ATP10B: variants seen among roughly 807,000 people sequenced by gnomAD.
ATP10B encodes phospholipid-transporting ATPase VB.
A neutral mutation model predicts 141.2 loss-of-function variants in ATP10B; 122 were observed. That is an observed-to-expected ratio of 0.86 (90% CI 0.75 to 1.00). ATP10B has a LOEUF of 1.00. ATP10B is among the 50% of genes least tolerant of loss of function. The probability of loss-of-function intolerance (pLI) is 0.00; values close to 1 mark genes in which losing one functional copy is unlikely to be tolerated. For missense variants in ATP10B, 1,876 were observed against 1,825.3 expected (o/e 1.03, Z -0.51); for synonymous variants, 685 against 692.0 (o/e 0.99, Z 0.16).
At chr5:160,866,735 T>C in the ATP10B span, among the ~76,000 whole-genome samples, 1 of 151,996 alleles carries the variant, frequency 6.6e-6, no homozygotes, top group Non-Finnish European at 1.5e-5. Flanking sequence ...TGGGTACTTG[T>C]GGGGAAGGAT....
At chr5:160,691,287 A>C (rs1029862223) in intron 3 of ATP10B, among the ~76,000 whole-genome samples, 2 of 152,154 alleles carry the variant, frequency 1.3e-5, no homozygotes, top group Non-Finnish European at 2.9e-5. Context: ...GAAAACTACC[A>C]TGGCACAGGT....
chr5:160,609,357 G>C (rs1408992105), intron 18 of ATP10B, among the ~76,000 whole-genome samples: 1 of 149,340 alleles, frequency 6.7e-6, no homozygotes, highest in Non-Finnish European at 1.5e-5. Flanking sequence ...ATTTCTGTGT[G>C]GGGGAATATG....
rs187577104 is a variant in ATP10B, at chr5:160,832,806, C to A, written c.-576+19135G>T. Among the ~76,000 whole-genome samples, 290 of 152,212 alleles carry A rather than the reference C, an allele frequency of 1.9e-3. 1 individual carries two copies. Among genetic ancestry groups the A allele is most frequent in the African/African-American group, 6.6e-3 (276 of 41,534 alleles). On this transcript the variant is annotated intron_variant, in intron 1 of 25. Transcript: ENST00000327245. ...CACAGCTGTATCATCCCGGAGGGCA[C>A]GGCACAAGAAGAACAAAACCTGCCA...
rs1477309099 is a variant in ATP10B at position 160,632,292 on chromosome 5, G to A, written c.1457C>T (p.Ser486Leu). ...EWTQYQCLSF[S>L]ARWAQDPATM... ...TGCTGGATCCTGGGCCCATCTAGCC[G>A]AGAAGGACAGGCATTGGTATTGGGT... The change falls in exon 13 of 26, where the codon TCG becomes TTG. Residue 486 changes from serine (S) to leucine (L), a missense_variant. By Grantham distance (145) the Ser-to-Leu change is moderately radical. Transcript: ENST00000327245. The A allele has an allele frequency of 4.3e-6, 7 of 1,614,064 alleles. No homozygotes were observed. Among genetic ancestry groups the A allele is most frequent in the Admixed American group, 3.3e-5 (2 of 60,004 alleles).
At chr5:160,582,360 A>G (rs574121006) in intron 24 of ATP10B, among the ~76,000 whole-genome samples, 1 of 152,272 alleles carries the variant, frequency 6.6e-6, no homozygotes, top group South Asian at 2.1e-4. Flanking sequence ...AAAATCTCTC[A>G]TCATTTGCTT....
chr5:160,820,764 C>T (rs753313646), intron 1 of ATP10B, among the ~76,000 whole-genome samples: 77 of 152,116 alleles, frequency 5.1e-4, no homozygotes, highest in Non-Finnish European at 9.7e-4. Flanking sequence ...TGGGATACAT[C>T]AGATGAACAG....
chr5:160,723,753 T>G (rs1158314588), intron 2 of ATP10B, among the ~76,000 whole-genome samples: 5 of 152,208 alleles, frequency 3.3e-5, no homozygotes, highest in Admixed American at 3.3e-4. Context: ...AATACTACCC[T>G]GATCCAGGTC....
the ATP10B span, among the ~76,000 whole-genome samples, chr5:160,928,374 C>T: frequency 6.6e-6 from 1 of 152,126 alleles, no homozygotes; most frequent in African/African-American, 2.4e-5. Flanking sequence ...AGCATGGTCA[C>T]TGGGGATTGG....
At chr5:160,697,225 T>C (rs546515827) in intron 3 of ATP10B, among the ~76,000 whole-genome samples, 1 of 152,212 alleles carries the variant, frequency 6.6e-6, no homozygotes, top group Admixed American at 6.5e-5. Flanking sequence ...AAAACAGAAA[T>C]TGCCATTTGA....
intron 1 of ATP10B, among the ~76,000 whole-genome samples, chr5:160,809,520 A>G (rs551366428): frequency 2.0e-5 from 3 of 152,304 alleles, no homozygotes; most frequent in East Asian, 3.9e-4. Context: ...CATCTCAAAC[A>G]TTTATCATTT....
chr5:160,796,537 A>T (rs998815918), intron 1 of ATP10B, among the ~76,000 whole-genome samples: 9 of 151,344 alleles, frequency 5.9e-5, no homozygotes, highest in Admixed American at 2.0e-4. Context: ...TTCAGGGTAC[A>T]AGGCCCATCA....
At chr5:160,707,227 A>C (rs1403373179) in intron 3 of ATP10B, among the ~76,000 whole-genome samples, 2 of 152,220 alleles carry the variant, frequency 1.3e-5, no homozygotes, top group East Asian at 3.8e-4. Flanking sequence ...CTGGGATTAC[A>C]GGCATGAGCC....
At chr5:160,927,756 G>A in the ATP10B span, among the ~76,000 whole-genome samples, 2 of 152,194 alleles carry the variant, frequency 1.3e-5, no homozygotes, top group East Asian at 1.9e-4. Flanking sequence ...ACACTCATGG[G>A]ACTTTTGTGC....
the ATP10B span, among the ~76,000 whole-genome samples, chr5:160,879,204 C>A: frequency 1.9e-5 from 1 of 51,932 alleles, no homozygotes; most frequent in South Asian, 7.2e-4. Flanking sequence ...TACTATGCAG[C>A]CATAAAAAAT....
At chr5:160,687,030 A>C (rs919151028) in intron 5 of ATP10B, 1 of 873,626 alleles carries the variant, frequency 1.1e-6, no homozygotes, top group Admixed American at 6.2e-5. Flanking sequence ...TGTCTGCAGG[A>C]ACATTCTGCT....
chr5:160,715,071 T>C lies in ATP10B; in HGVS notation c.-205+1838A>G, dbSNP rs1765521475. On this transcript the variant is annotated intron_variant, in intron 3 of 25. Coordinates refer to ENST00000327245, the MANE Select transcript of ATP10B (RefSeq NM_025153.3). ...CAGAGGTTACTGCTGTCTTTTTGTT[T>C]GTCTGTGCCCTGCCCCCAGAGGTGG... is the stretch of plus-strand genomic sequence containing the variant. Among the ~76,000 whole-genome samples the C allele has an allele frequency of 2.1e-5, 3 of 143,520 alleles. No homozygotes were observed. In the South Asian group the frequency reaches 7.1e-4, roughly 34 times the overall value. The allele number at this position is 143,520 out of a possible 152,430, so 94.2% of individuals were successfully genotyped here. A position where few individuals can be genotyped will look rare whatever the true frequency, so the allele number is the denominator to read the frequency against.
At chr5:160,765,421 C>A (rs1461737736) in intron 2 of ATP10B, among the ~76,000 whole-genome samples, 1 of 152,040 alleles carries the variant, frequency 6.6e-6, no homozygotes, top group African/African-American at 2.4e-5. Context: ...ATACTTATAG[C>A]CAATGGATCT....
chr5:160,667,064 A>T (rs926453789), intron 7 of ATP10B, among the ~76,000 whole-genome samples: 1 of 152,008 alleles, frequency 6.6e-6, no homozygotes, highest in African/African-American at 2.4e-5. Flanking sequence ...TAAAAATACA[A>T]AAAATTAGCC....
chr5:160,685,954 T>C, intron 6 of ATP10B, 125 bp downstream of exon 6: 4 of 847,352 alleles, frequency 4.7e-6, no homozygotes, highest in South Asian at 3.0e-5. Flanking sequence ...TCACCCCCCC[T>C]TGAGAATCAG....
Sources: allele counts gnomAD v4.1 joint callset (sites outside exome capture counted in the v4.1 genomes callset), GRCh38; gene constraint gnomAD v4.1.1; transcripts MANE v1.5; gene names NCBI Gene and HGNC (gene_info 2026-07-23, HGNC 2026-07-21).